The following TSPAN19 variants were observed in gnomAD, a reference collection of about 807,000 sequenced individuals.
TSPAN19 encodes tetraspanin-19.
TSPAN19 carries 44 observed loss-of-function variants against 35.1 expected under a neutral mutation model. The ratio of observed to expected loss-of-function variants is 1.25; its 90% CI spans 0.98 to 1.61. The LOEUF is 1.61. Ranked by LOEUF, TSPAN19 falls within the 40% of genes most tolerant of loss-of-function variation. TSPAN19 has a pLI of 0.00. For synonymous variants in TSPAN19, 79 were observed against 92.0 expected (o/e 0.86, Z 0.81); for missense variants, 290 against 280.0 (o/e 1.04, Z -0.26).
chr12:85,015,229 A>C (rs1345190208), intron 8 of TSPAN19: 1 of 151,956 alleles, frequency 6.6e-6, no homozygotes, highest in Non-Finnish European at 1.5e-5. Flanking sequence ...GTTTCTTTGA[A>C]TCCATAGCCT....
At chr12:85,026,670 G>A (rs1210990765) in intron 4 of TSPAN19, among the ~76,000 whole-genome samples, 1 of 152,120 alleles carries the variant, frequency 6.6e-6, no homozygotes, top group African/African-American at 2.4e-5. Flanking sequence ...GACTGCCTCA[G>A]GGAAGGAAGA....
At chr12:85,035,275 A>G (rs1329833435) in intron 1 of TSPAN19, 2 of 152,160 alleles carry the variant, frequency 1.3e-5, no homozygotes, top group Admixed American at 6.5e-5. Context: ...ACAATAAAAA[A>G]TAGATAATTT....
At chr12:85,023,181 A>T in intron 5 of TSPAN19, 145 bp downstream of exon 5, 1 of 679,672 alleles carries the variant, frequency 1.5e-6, no homozygotes, top group Non-Finnish European at 2.5e-6. Context: ...CCTATACTCT[A>T]GTACTTTTGT....
chr12:85,017,349 C>T, intron 7 of TSPAN19, 107 bp downstream of exon 7: 4 of 1,036,242 alleles, frequency 3.9e-6, no homozygotes, highest in Non-Finnish European at 5.6e-6. Flanking sequence ...TAGCCACCGT[C>T]AACAACATTA....
At chr12:85,016,052 A>G in intron 7 of TSPAN19, 81 bp from the exon 8 acceptor site, 4 of 898,600 alleles carry the variant, frequency 4.5e-6, no homozygotes, top group South Asian at 1.9e-5. Context: ...TAAAAGGTAA[A>G]CAGAGATTAG....
chr12:85,033,396 A>G (rs1877773055), intron 1 of TSPAN19, among the ~76,000 whole-genome samples: 1 of 151,984 alleles, frequency 6.6e-6, no homozygotes, highest in South Asian at 2.1e-4. Flanking sequence ...TCTGGCCTCA[A>G]TGTGGAAGCC....
chr12:85,025,420 G>C (rs550453822), intron 4 of TSPAN19, among the ~76,000 whole-genome samples: 4 of 152,090 alleles, frequency 2.6e-5, no homozygotes, highest in African/African-American at 9.7e-5. Flanking sequence ...GATTACAGGC[G>C]TGAGCCACCA....
chr12:85,015,739 C>T (rs1349316322), intron 8 of TSPAN19, 149 bp downstream of exon 8: 4 of 547,296 alleles, frequency 7.3e-6, no homozygotes, highest in African/African-American at 2.0e-5. Context: ...TAAGGAATCA[C>T]CTGTACAACT....
At chr12:85,020,893 T>C (rs1183973952) in intron 5 of TSPAN19, among the ~76,000 whole-genome samples, 6 of 152,084 alleles carry the variant, frequency 3.9e-5, no homozygotes, top group Non-Finnish European at 7.4e-5. Flanking sequence ...TTTTCATTTG[T>C]TAGTTTGTCT....
chr12:85,015,779 C>T, intron 8 of TSPAN19, 109 bp downstream of exon 8: 1 of 741,618 alleles, frequency 1.3e-6, no homozygotes, highest in Non-Finnish European at 2.1e-6. Flanking sequence ...AAAGTCCTGG[C>T]TCTATTATAT....
At chr12:85,024,948 T>C (rs1297447062) in intron 4 of TSPAN19, among the ~76,000 whole-genome samples, 3 of 152,056 alleles carry the variant, frequency 2.0e-5, no homozygotes, top group Non-Finnish European at 4.4e-5. Flanking sequence ...TCTAATACTT[T>C]AAAATATCTG....
chr12:85,034,022 A>G (rs1877800940), intron 1 of TSPAN19, among the ~76,000 whole-genome samples: 1 of 152,138 alleles, frequency 6.6e-6, no homozygotes, highest in Non-Finnish European at 1.5e-5. Flanking sequence ...TGGGAAAGTC[A>G]TAAATTCTCA....
chr12:85,028,707 T>C (rs1054967397), intron 3 of TSPAN19, among the ~76,000 whole-genome samples: 1 of 152,172 alleles, frequency 6.6e-6, no homozygotes, highest in Non-Finnish European at 1.5e-5. Flanking sequence ...AATTGTGATA[T>C]TTTCAGGAAA....
intron 3 of TSPAN19, 96 bp from the exon 4 acceptor site, chr12:85,028,119 AG>A: frequency 9.5e-7 from 1 of 1,054,412 alleles, no homozygotes; most frequent in Non-Finnish European, 1.3e-6. Flanking sequence ...AGCAATCAAA[AG>A]TTTTTCTGAG....
intron 8 of TSPAN19, chr12:85,014,756 C>G (rs1240123534): frequency 2.2e-6 from 1 of 450,562 alleles, no homozygotes; most frequent in African/African-American, 2.1e-5. Flanking sequence ...CCACCTGTTA[C>G]CAAGTTCACG....
rs1218190807 is a variant in TSPAN19 at position 85,015,553 on chromosome 12, C to T, written c.678+335G>A. 7.0e-4 allele frequency: 116 copies of T among 165,624 alleles called. 2 individuals are homozygous for T. The South Asian group carries it at 9.2e-3, about 13-fold the overall frequency. 10.3% of individuals were successfully genotyped at this position (165,624 alleles called of 1,614,324 possible). ...ATATATGAACATATACACACACACA[C>T]ACACACACACACACACACACACACA... On this transcript the variant is annotated intron_variant, in intron 8 of 8. Transcript: ENST00000532498.
intron 4 of TSPAN19, among the ~76,000 whole-genome samples, chr12:85,025,760 C>T (rs921250243): frequency 5.3e-5 from 8 of 150,876 alleles, no homozygotes; most frequent in Admixed American, 3.3e-4. Context: ...CTCTTGACCT[C>T]GTGATCTGCC....
At position 85,020,023 on chromosome 12, in the gene TSPAN19, T is replaced by C. The variant is rs548295520; in HGVS notation, c.340-287A>G. Among the ~76,000 whole-genome samples, 6 of 152,038 alleles carry C rather than the reference T, an allele frequency of 3.9e-5. No homozygotes were observed. The East Asian group carries it at 9.7e-4, about 24-fold the overall frequency. Reference sequence around the variant, plus strand: ...CATATCTAAGGGAGATTTCTTCTCATACTCTCAGGAAAAAAACTGTAAAAG... The same window carrying C: ...CATATCTAAGGGAGATTTCTTCTCACACTCTCAGGAAAAAAACTGTAAAAG... On this transcript the variant is annotated intron_variant, in intron 5 of 8. Coordinates refer to ENST00000532498, the MANE Select transcript of TSPAN19 (RefSeq NM_001100917.2).
At chr12:85,016,333 C>G (rs533292876) in intron 7 of TSPAN19, 49 of 163,386 alleles carry the variant, frequency 3.0e-4, no homozygotes, top group Non-Finnish European at 4.7e-4. Context: ...AGTATCAAAC[C>G]CTAAATATAT....
Sources: gnomAD v4.1 joint callset for allele counts (sites outside exome capture counted in the v4.1 genomes callset) on GRCh38, gnomAD v4.1.1 for gene constraint, MANE v1.5 for transcripts, NCBI Gene and HGNC (gene_info 2026-07-23, HGNC 2026-07-21) for gene names.